The following RCAN1 variants were observed in gnomAD, a reference collection of about 807,000 sequenced individuals.
RCAN1 encodes regulator of calcineurin 1.
Under a neutral mutation model 22.9 loss-of-function variants are expected in RCAN1, and 11 were observed. The ratio of observed to expected loss-of-function variants is 0.48; its 90% CI spans 0.30 to 0.79. RCAN1 has a LOEUF of 0.79. RCAN1 is among the 30% of genes least tolerant of loss of function. The probability of loss-of-function intolerance (pLI) is 0.06; values close to 1 mark genes in which losing one functional copy is unlikely to be tolerated. For missense variants in RCAN1, 291 were observed against 337.8 expected, an observed-to-expected ratio of 0.86 and a Z score of 1.09; for synonymous variants, 136 against 142.3, an observed-to-expected ratio of 0.96 and a Z score of 0.32.
intron 1 of RCAN1, among the ~76,000 whole-genome samples, chr21:34,599,998 T>A (rs1829936228): frequency 6.6e-6 from 1 of 152,144 alleles, no homozygotes; most frequent in Non-Finnish European, 1.5e-5. Flanking sequence ...GAAGGGTAGA[T>A]AAGGGATAAG....
chr21:34,530,625 T>TTTGTTTGTTTTG (rs1555856748), intron 1 of RCAN1, among the ~76,000 whole-genome samples: 977 of 71,984 alleles, frequency 0.014, 16 homozygotes, highest in African/African-American at 0.053. Context: ...AGTTTTTTTT[T>TTTGTTTGTTTTG]TTTTTTTTTT....
intron 1 of RCAN1, among the ~76,000 whole-genome samples, chr21:34,588,043 G>C (rs1354321494): frequency 6.6e-6 from 1 of 152,166 alleles, no homozygotes; most frequent in African/African-American, 2.4e-5. Flanking sequence ...CCACCCTGGA[G>C]ATTTTGGACT....
intron 1 of RCAN1, among the ~76,000 whole-genome samples, chr21:34,594,705 A>G (rs142344360): frequency 9.4e-4 from 143 of 152,320 alleles, no homozygotes; most frequent in African/African-American, 3.3e-3. Flanking sequence ...ACAATGACCA[A>G]TGGGCCAGGT....
intron 1 of RCAN1, among the ~76,000 whole-genome samples, chr21:34,572,094 AC>A (rs1987254199): frequency 6.6e-6 from 1 of 152,164 alleles, no homozygotes; most frequent in African/African-American, 2.4e-5. Flanking sequence ...ATTCACCTTC[AC>A]CTTCTCTGAA....
intron 1 of RCAN1, among the ~76,000 whole-genome samples, chr21:34,570,190 AG>A (rs1291871718): frequency 6.6e-6 from 1 of 152,252 alleles, no homozygotes; most frequent in Non-Finnish European, 1.5e-5. Flanking sequence ...AGAAAATTCT[AG>A]ATAGTGAAAA....
chr21:34,535,235 G>A lies in RCAN1; in HGVS notation c.253-11525C>T, dbSNP rs150749655. Reference sequence around the variant, plus strand: ...TTTCATGATAAGCAAGTGTAAGAAAGAGAACAGAAGAACATTCTTCTTGAT... The same window carrying A: ...TTTCATGATAAGCAAGTGTAAGAAAAAGAACAGAAGAACATTCTTCTTGAT... On this transcript the variant is annotated intron_variant, in intron 1 of 3. Transcript: ENST00000313806. Among the ~76,000 whole-genome samples the A allele has an allele frequency of 3.7e-3, 563 of 152,282 alleles. 3 individuals carry two copies. The highest frequency in any genetic ancestry group is 0.013 in the African/African-American group (544 of 41,556).
At chr21:34,595,797 G>T (rs965305309) in intron 1 of RCAN1, among the ~76,000 whole-genome samples, 1 of 152,212 alleles carries the variant, frequency 6.6e-6, no homozygotes, top group African/African-American at 2.4e-5. Flanking sequence ...CACTGGGCAG[G>T]CCGGACAGGC....
chr21:34,525,302 C>T, intron 1 of RCAN1: 1 of 1,537,728 alleles, frequency 6.5e-7, no homozygotes, highest in African/African-American at 1.4e-5. Context: ...ACCTTGCTCT[C>T]CTTGCATTCC....
chr21:34,551,321 T>C (rs140561844), intron 1 of RCAN1, among the ~76,000 whole-genome samples: 1 of 152,352 alleles, frequency 6.6e-6, no homozygotes, highest in African/African-American at 2.4e-5. Context: ...GCAGAAAATA[T>C]CTATAATCAT....
chr21:34,594,245 A>G (rs973691018), intron 1 of RCAN1, among the ~76,000 whole-genome samples: 5 of 152,172 alleles, frequency 3.3e-5, no homozygotes, highest in African/African-American at 1.2e-4. Flanking sequence ...GCTGAAAAAA[A>G]TGAGAATGTT....
chr21:34,553,818 G>A (rs1028435264), intron 1 of RCAN1, among the ~76,000 whole-genome samples: 6 of 152,200 alleles, frequency 3.9e-5, no homozygotes, highest in Admixed American at 1.3e-4. Context: ...CCTATAAAGC[G>A]AAATCTTTTC....
At position 34,554,858 on chromosome 21, in the gene RCAN1, C is replaced by A. The variant is rs548026771; in HGVS notation, c.253-31148G>T. Among the ~76,000 whole-genome samples, 6 of 152,302 alleles carry A rather than the reference C, an allele frequency of 3.9e-5. No individual in the cohort carries two copies. In the East Asian group the frequency reaches 1.2e-3, roughly 29 times the overall value. ...CACATCTTACATGGATGGCAGCAGGCAAAGAGAGCTTGTGCAGGGAAACTC... is the reference window on the plus strand; with the variant it reads ...CACATCTTACATGGATGGCAGCAGGAAAAGAGAGCTTGTGCAGGGAAACTC... On this transcript the variant is annotated intron_variant, in intron 1 of 3. Transcript: ENST00000313806.
intron 1 of RCAN1, among the ~76,000 whole-genome samples, chr21:34,609,393 C>T (rs1988624805): frequency 6.6e-6 from 1 of 152,204 alleles, no homozygotes; most frequent in African/African-American, 2.4e-5. Flanking sequence ...AGACAATGTA[C>T]ACCCAGGGTC....
chr21:34,567,048 G>T (rs1987036772), intron 1 of RCAN1, among the ~76,000 whole-genome samples: 1 of 152,156 alleles, frequency 6.6e-6, no homozygotes, highest in Non-Finnish European at 1.5e-5. Flanking sequence ...AACTACACCA[G>T]CTTTAAACTA....
intron 1 of RCAN1, among the ~76,000 whole-genome samples, chr21:34,589,463 A>C (rs1156313916): frequency 2.0e-5 from 3 of 152,234 alleles, no homozygotes; most frequent in Admixed American, 2.0e-4. Flanking sequence ...GGAAAAGGAC[A>C]TGATCGTTGA....
Position 34,518,093 on chromosome 21 carries a change from G to A in RCAN1, c.750C>T (p.His250=), listed in dbSNP as rs754192583. 1.9e-6 allele frequency: 3 copies of A among 1,614,176 alleles called. No homozygotes were observed. Among genetic ancestry groups the A allele is most frequent in the Non-Finnish European group, 2.5e-6 (3 of 1,180,020 alleles). ...CTCGTCGCGTGCCAGTTCAGCTGAG[G>A]TGGATCGGCGTGTACTCCGGCCTCC... ...QTRRPEYTPI[H]LS is the part of the protein sequence containing the mutation. Residue 250 remains histidine (H), a synonymous_variant, in exon 4 of 4, where the codon CAC becomes CAT. Transcript: ENST00000313806. This position sits in a 1 kb window ranked among gnomAD's most constrained non-coding sequence, Gnocchi z 4.2.
chr21:34,531,182 G>A lies in RCAN1; in HGVS notation c.253-7472C>T, dbSNP rs975565201. ...GCACAATGCCTGAAACACAGGTGGC[G>A]GCTAAAGCACATCAGTTGCCTTTCT... On this transcript the variant is annotated intron_variant, in intron 1 of 3. Coordinates refer to ENST00000313806, the MANE Select transcript of RCAN1 (RefSeq NM_004414.7). 2.6e-5 allele frequency among the ~76,000 whole-genome samples: 4 copies of A among 152,328 alleles called. No individual in the cohort carries two copies. In the South Asian group the frequency reaches 6.2e-4, roughly 24 times the overall value.
intron 1 of RCAN1, among the ~76,000 whole-genome samples, chr21:34,557,795 T>C (rs1009390809): frequency 6.6e-6 from 1 of 152,104 alleles, no homozygotes; most frequent in Non-Finnish European, 1.5e-5. Context: ...TGATGAGAAA[T>C]AGCAGCGATC....
At chr21:34,594,279 C>T (rs2268268) in intron 1 of RCAN1, among the ~76,000 whole-genome samples, 10,327 of 152,138 alleles carry the variant, frequency 0.068, 439 homozygotes, top group East Asian at 0.15. Context: ...GTGGGCCGGG[C>T]GCGGTGGCTC....
Sources: gnomAD v4.1 joint callset for allele counts (sites outside exome capture counted in the v4.1 genomes callset) on GRCh38, gnomAD v4.1.1 for gene constraint, Gnocchi (gnomAD v3.1) non-coding constraint, MANE v1.5 for transcripts, NCBI Gene and HGNC (gene_info 2026-07-23, HGNC 2026-07-21) for gene names.